The following B3GALT5 variants were observed in gnomAD, a reference collection of about 807,000 sequenced individuals.
The protein encoded by B3GALT5 is UDP-Gal:betaGlcNAc beta 1,3-galactosyltransferase, polypeptide 5.
For missense variants in B3GALT5, 328 were observed against 396.6 expected (o/e 0.83, Z 1.47); for synonymous variants, 156 against 158.6 (o/e 0.98, Z 0.12).
Position 39,666,768 on chromosome 21 carries a change from T to A in B3GALT5, c.*5276T>A, listed in dbSNP as rs2079582103. On this transcript the variant is annotated 3_prime_UTR_variant, in exon 4 of 4. Coordinates refer to ENST00000684187, the MANE Select transcript of B3GALT5 (RefSeq NM_001356336.2). ...CATTGTAACCACATAATACACTGTGTGAAAAGAGAGGAAAGAAAAATCCAA... is the reference window on the plus strand; with the variant it reads ...CATTGTAACCACATAATACACTGTGAGAAAAGAGAGGAAAGAAAAATCCAA... 6.6e-6 allele frequency: 1 copy of A among 152,238 alleles called. No homozygotes were observed. Among genetic ancestry groups the A allele is most frequent in the African/African-American group, 2.4e-5 (1 of 41,450 alleles). 9.4% of individuals were successfully genotyped at this position (152,238 alleles called of 1,614,324 possible).
rs2079630958 is a variant in B3GALT5, at chr21:39,671,821, GA to G, written c.*10332del. On this transcript the variant is annotated 3_prime_UTR_variant, in exon 4 of 4. Coordinates refer to ENST00000684187, the MANE Select transcript of B3GALT5 (RefSeq NM_001356336.2). ...AATTTCTGTCTGTTTTCCTGCTGTT[GA>G]AATCTGAGTGCTAGGAACGGACCTC... 1 of 152,226 alleles carries G rather than the reference GA, an allele frequency of 6.6e-6. No homozygotes were observed. Among genetic ancestry groups the G allele is most frequent in the African/African-American group, 2.4e-5 (1 of 41,442 alleles). 9.4% of individuals were successfully genotyped at this position (152,226 alleles called of 1,614,324 possible).
At chr21:39,617,873 T>C (rs2079114832) in intron 1 of B3GALT5, among the ~76,000 whole-genome samples, 1 of 152,136 alleles carries the variant, frequency 6.6e-6, no homozygotes, top group Non-Finnish European at 1.5e-5. Flanking sequence ...TGTAGTTCAT[T>C]CATTTTCATT....
intron 1 of B3GALT5, among the ~76,000 whole-genome samples, chr21:39,644,341 G>C (rs1455761655): frequency 6.6e-6 from 1 of 152,112 alleles, no homozygotes; most frequent in Non-Finnish European, 1.5e-5. Context: ...AAAAGCTTGG[G>C]ACTCACAAGG....
At position 39,662,762 on chromosome 21, in the gene B3GALT5, A is replaced by C. The variant is rs923917587; in HGVS notation, c.*1270A>C. The C allele has an allele frequency of 1.8e-5, 3 of 167,202 alleles. No individual in the cohort carries two copies. Among genetic ancestry groups the C allele is most frequent in the Non-Finnish European group, 4.4e-5 (3 of 68,130 alleles). 10.4% of individuals were successfully genotyped at this position (167,202 alleles called of 1,614,324 possible). A position where few individuals can be genotyped will look rare whatever the true frequency, so the allele number is the denominator to read the frequency against. On this transcript the variant is annotated 3_prime_UTR_variant, in exon 4 of 4. Transcript: ENST00000684187. ...TTCAGCCATGGTCACGTGACATGCA[A>C]AGTAATCTTGCTCCTAATTATAGAA...
chr21:39,670,900 T>C lies in B3GALT5; in HGVS notation c.*9408T>C, dbSNP rs2146235804. The C allele has an allele frequency of 6.6e-6, 1 of 152,374 alleles. No homozygotes were observed. Among genetic ancestry groups the C allele is most frequent in the Non-Finnish European group, 1.5e-5 (1 of 68,040 alleles). The allele number at this position is 152,374 out of a possible 1,614,324, so 9.4% of individuals were successfully genotyped here. On this transcript the variant is annotated 3_prime_UTR_variant, in exon 4 of 4. Coordinates refer to ENST00000684187, the MANE Select transcript of B3GALT5 (RefSeq NM_001356336.2). Reference sequence around the variant, plus strand: ...TTACATTTTCTCCATGTCCTCCATTTGGAAGTGTCTTAGTTTGTTTTGTGT... The same window carrying C: ...TTACATTTTCTCCATGTCCTCCATTCGGAAGTGTCTTAGTTTGTTTTGTGT...
chr21:39,620,543 C>G (rs778203031), intron 1 of B3GALT5, among the ~76,000 whole-genome samples: 26 of 152,256 alleles, frequency 1.7e-4, no homozygotes, highest in Non-Finnish European at 3.4e-4. Context: ...GCTTCTCCCA[C>G]CTCTTGAAGT....
At chr21:39,650,705 G>A (rs1240247906) in intron 2 of B3GALT5, among the ~76,000 whole-genome samples, 1 of 152,136 alleles carries the variant, frequency 6.6e-6, no homozygotes, top group East Asian at 1.9e-4. Context: ...CTGGTGGAAC[G>A]TCCACAGGAT....
intron 1 of B3GALT5, among the ~76,000 whole-genome samples, chr21:39,641,798 C>T (rs756690954): frequency 1.7e-4 from 26 of 152,184 alleles, no homozygotes; most frequent in Non-Finnish European, 3.7e-4. Flanking sequence ...CTCTCTTTCT[C>T]CTGGTCTCTC....
intron 1 of B3GALT5, among the ~76,000 whole-genome samples, chr21:39,619,670 G>T (rs1346822166): frequency 6.6e-6 from 1 of 152,244 alleles, no homozygotes; most frequent in Non-Finnish European, 1.5e-5. Flanking sequence ...TGAGATCTCT[G>T]TTCTGTTTTG....
intron 2 of B3GALT5, among the ~76,000 whole-genome samples, chr21:39,648,615 A>AT (rs2079363571): frequency 6.6e-6 from 1 of 151,834 alleles, no homozygotes; most frequent in South Asian, 2.1e-4. Flanking sequence ...ATCTGAGGAG[A>AT]CCCCCATGGC....
At chr21:39,635,651 T>A (rs1266506718) in intron 1 of B3GALT5, among the ~76,000 whole-genome samples, 1 of 152,164 alleles carries the variant, frequency 6.6e-6, no homozygotes, top group African/African-American at 2.4e-5. Flanking sequence ...GCTAATTTTG[T>A]ATTTTTTTAG....
At chr21:39,632,399 T>C (rs1280507846) in intron 1 of B3GALT5, among the ~76,000 whole-genome samples, 4 of 152,128 alleles carry the variant, frequency 2.6e-5, no homozygotes, top group Admixed American at 2.6e-4. Flanking sequence ...TTGAGGTTAA[T>C]TACGTGATGG....
chr21:39,649,800 A>G (rs958404866), intron 2 of B3GALT5, among the ~76,000 whole-genome samples: 2 of 152,184 alleles, frequency 1.3e-5, no homozygotes, highest in African/African-American at 4.8e-5. Flanking sequence ...CACTGAGGGT[A>G]GAAGACAAGG....
At chr21:39,633,777 G>C (rs1203926694) in intron 1 of B3GALT5, among the ~76,000 whole-genome samples, 2 of 152,182 alleles carry the variant, frequency 1.3e-5, no homozygotes, top group Non-Finnish European at 2.9e-5. Flanking sequence ...TCTTTCTATT[G>C]TGAAAATTGC....
intron 1 of B3GALT5, among the ~76,000 whole-genome samples, chr21:39,639,425 TTTC>T (rs1720117740): frequency 1.7e-5 from 2 of 118,748 alleles, no homozygotes; most frequent in Non-Finnish European, 3.7e-5. Flanking sequence ...TCTTTCTTTC[TTTC>T]TTTCTTTCTT....
chr21:39,652,278 G>C (rs1826617581), intron 2 of B3GALT5, among the ~76,000 whole-genome samples: 1 of 152,226 alleles, frequency 6.6e-6, no homozygotes, highest in African/African-American at 2.4e-5. Flanking sequence ...TCAGGCTATG[G>C]AAAGTGTACA....
In B3GALT5 at chr21:39,639,404, CTTTCTTTCTTTCTT is replaced by C. The variant is rs1569212404; in HGVS notation, c.-391-6986_-391-6973del. On this transcript the variant is annotated intron_variant, in intron 1 of 3. Coordinates refer to ENST00000684187, the MANE Select transcript of B3GALT5 (RefSeq NM_001356336.2). The stretch of plus-strand genomic sequence containing the variant: ...CTTCCTTCCTTCCTTCTTTCTTTTT[CTTTCTTTCTTTCTT>C]TCTTTCTTTCTTTCTTTCTTTCTTT... Among the ~76,000 whole-genome samples the C allele has an allele frequency of 3.2e-3, 215 of 67,744 alleles. 4 individuals are homozygous for C. The highest frequency in any genetic ancestry group is 0.019 in the Middle Eastern group (3 of 160). 44.4% of individuals were successfully genotyped at this position (67,744 alleles called of 152,430 possible). A position where few individuals can be genotyped will look rare whatever the true frequency, so the allele number is the denominator to read the frequency against.
chr21:39,639,743 G>T (rs1156752530), intron 1 of B3GALT5, among the ~76,000 whole-genome samples: 2 of 151,848 alleles, frequency 1.3e-5, no homozygotes, highest in Non-Finnish European at 2.9e-5. Context: ...CTCCCAAAGC[G>T]CTGGGATTAC....
chr21:39,643,036 A>G (rs1186898158), intron 1 of B3GALT5, among the ~76,000 whole-genome samples: 2 of 150,520 alleles, frequency 1.3e-5, no homozygotes, highest in African/African-American at 4.9e-5. Flanking sequence ...TGGGCGAAAG[A>G]GTGAGAACTT....
Sources: gnomAD v4.1 joint callset for allele counts (sites outside exome capture counted in the v4.1 genomes callset) on GRCh38, gnomAD v4.1.1 for gene constraint, MANE v1.5 for transcripts, NCBI Gene and HGNC (gene_info 2026-07-23, HGNC 2026-07-21) for gene names.